The following KPNA6 variants were observed in gnomAD, a reference collection of about 807,000 sequenced individuals.
KPNA6 encodes karyopherin subunit alpha 6.
Under a neutral mutation model 72.0 loss-of-function variants are expected in KPNA6, and 9 were observed. The observed-to-expected ratio is 0.13, with a 90% confidence interval of 0.08 to 0.22. The LOEUF is 0.22. Among genes scored for constraint, KPNA6 ranks in the 10% least tolerant of loss-of-function variants. KPNA6 has a pLI of 1.00. For missense variants in KPNA6, 374 were observed against 655.7 expected (o/e 0.57, Z 4.69); for synonymous variants, 219 against 242.1 (o/e 0.90, Z 0.89).
At chr1:32,141,471 T>C (rs1641837178) in intron 1 of KPNA6, among the ~76,000 whole-genome samples, 1 of 141,980 alleles carries the variant, frequency 7.0e-6, no homozygotes, top group Non-Finnish European at 1.5e-5. Flanking sequence ...GATCTTGGCT[T>C]ACTGCAACCT....
chr1:32,132,131 C>T (rs1485712104), intron 1 of KPNA6, among the ~76,000 whole-genome samples: 2 of 151,818 alleles, frequency 1.3e-5, no homozygotes, highest in African/African-American at 2.4e-5. Context: ...CCACCATACC[C>T]GGCTAATATT....
intron 1 of KPNA6, among the ~76,000 whole-genome samples, chr1:32,138,720 A>G (rs2124005487): frequency 6.6e-6 from 1 of 152,226 alleles, no homozygotes. Flanking sequence ...TTGGAAGGCT[A>G]AGAGAAAAAT....
Position 32,108,126 on chromosome 1 carries a change from C to T in KPNA6, c.-5C>T, listed in dbSNP as rs1339436605. 5.6e-6 allele frequency: 9 copies of T among 1,614,026 alleles called. No individual in the cohort carries two copies. The highest frequency in any genetic ancestry group is 5.0e-5 in the Admixed American group (3 of 60,022). On this transcript the variant is annotated 5_prime_UTR_variant, in exon 1 of 14. Coordinates refer to ENST00000373625, the MANE Select transcript of KPNA6 (RefSeq NM_012316.5). ...CGCCGCCAAGAGTGAGCGAGCGGAC[C>T]CGCGATGGGTGAGTGAGGAAACCAC...
chr1:32,127,990 C>T (rs1641563925), intron 1 of KPNA6, among the ~76,000 whole-genome samples: 1 of 152,078 alleles, frequency 6.6e-6, no homozygotes, highest in Non-Finnish European at 1.5e-5. Flanking sequence ...TACACACACA[C>T]AATGCAAGTG....
chr1:32,134,637 CAA>C (rs777730986), intron 1 of KPNA6, among the ~76,000 whole-genome samples: 19 of 83,552 alleles, frequency 2.3e-4, no homozygotes, highest in African/African-American at 3.5e-4. Flanking sequence ...GAGTCTGTCT[CAA>C]AAAAAAAAAA....
chr1:32,143,382 T>C (rs1641874095), intron 1 of KPNA6, among the ~76,000 whole-genome samples: 1 of 150,976 alleles, frequency 6.6e-6, no homozygotes, highest in Admixed American at 6.6e-5. Context: ...AAAAAAAAAA[T>C]TATTCCAGCC....
intron 12 of KPNA6, among the ~76,000 whole-genome samples, chr1:32,167,892 G>A (rs1209415017): frequency 1.3e-4 from 19 of 151,866 alleles, no homozygotes; most frequent in Admixed American, 6.6e-5. Context: ...GCAAGCTGGT[G>A]TAGTGGCTCA....
chr1:32,112,039 C>T (rs1218948900), intron 1 of KPNA6, among the ~76,000 whole-genome samples: 1 of 152,204 alleles, frequency 6.6e-6, no homozygotes, highest in African/African-American at 2.4e-5. Context: ...CATTGTAACT[C>T]TAGCTCCCTA....
intron 1 of KPNA6, among the ~76,000 whole-genome samples, chr1:32,117,897 T>C (rs1305220592): frequency 1.3e-5 from 2 of 152,098 alleles, no homozygotes; most frequent in Admixed American, 1.3e-4. Flanking sequence ...ACCCATCTTT[T>C]CCTATAGAAA....
intron 10 of KPNA6, among the ~76,000 whole-genome samples, chr1:32,165,317 T>G (rs529397037): frequency 1.3e-5 from 2 of 152,284 alleles, no homozygotes; most frequent in South Asian, 4.1e-4. Context: ...CCTGAGTAGC[T>G]GGGACTGCAG....
chr1:32,167,500 A>G (rs1458682738), intron 12 of KPNA6, among the ~76,000 whole-genome samples: 1 of 152,042 alleles, frequency 6.6e-6, no homozygotes, highest in Non-Finnish European at 1.5e-5. Flanking sequence ...TCTATTCCAG[A>G]TTCCAGTGAC....
In KPNA6 at chr1:32,130,907, T is replaced by A. The variant is rs568169915; in HGVS notation, c.4+22773T>A. Among the ~76,000 whole-genome samples, 12 of 152,284 alleles carry A rather than the reference T, an allele frequency of 7.9e-5. No homozygotes were observed. In the East Asian group the frequency reaches 1.5e-3, roughly 20 times the overall value. On this transcript the variant is annotated intron_variant, in intron 1 of 13. Coordinates refer to ENST00000373625, the MANE Select transcript of KPNA6 (RefSeq NM_012316.5). The stretch of plus-strand genomic sequence containing the variant: ...AATAGATAAACATATGCAGAAGAAT[T>A]AATTTGGACCCCTGCCTCACATCAT...
chr1:32,111,664 CACTA>C (rs1425482585), intron 1 of KPNA6, among the ~76,000 whole-genome samples: 1 of 152,186 alleles, frequency 6.6e-6, no homozygotes, highest in Non-Finnish European at 1.5e-5. Flanking sequence ...GCACTGGAGA[CACTA>C]ACACAGCCTG....
intron 1 of KPNA6, among the ~76,000 whole-genome samples, chr1:32,138,999 G>T (rs1641791329): frequency 6.6e-6 from 1 of 152,078 alleles, no homozygotes; most frequent in Non-Finnish European, 1.5e-5. Flanking sequence ...CTTTTGGAGG[G>T]TCTGCTTCAC....
chr1:32,148,116 C>A (rs1046330954), intron 1 of KPNA6, among the ~76,000 whole-genome samples: 1 of 151,860 alleles, frequency 6.6e-6, no homozygotes, highest in Non-Finnish European at 1.5e-5. Flanking sequence ...TTTTCTTTTT[C>A]TTTTTTGAGA....
chr1:32,133,640 C>T (rs899184618), intron 1 of KPNA6, among the ~76,000 whole-genome samples: 1 of 151,858 alleles, frequency 6.6e-6, no homozygotes, highest in Non-Finnish European at 1.5e-5. Flanking sequence ...GAGTTGATTG[C>T]ACTACTGCAT....
intron 1 of KPNA6, among the ~76,000 whole-genome samples, chr1:32,127,855 T>G (rs1641561458): frequency 6.6e-6 from 1 of 152,186 alleles, no homozygotes; most frequent in African/African-American, 2.4e-5. Flanking sequence ...TTACATTCAT[T>G]ATCTTTTGTA....
At chr1:32,154,201 G>A (rs1642093287) in intron 1 of KPNA6, among the ~76,000 whole-genome samples, 1 of 151,762 alleles carries the variant, frequency 6.6e-6, no homozygotes, top group Admixed American at 6.6e-5. Context: ...TGGGATTACG[G>A]GTGGGAGCCA....
At position 32,134,832 on chromosome 1, in the gene KPNA6, G is replaced by A. The variant is rs796649226; in HGVS notation, c.5-19756G>A. Among the ~76,000 whole-genome samples the A allele has an allele frequency of 9.7e-4, 147 of 151,972 alleles. 1 individual carries two copies. Among genetic ancestry groups the A allele is most frequent in the African/African-American group, 3.4e-3 (143 of 41,472 alleles). ...ACCTTAGTGATTGTTTACAGCTTAG[G>A]TGGGTGAGCATTGGGGGTGACAGCT... On this transcript the variant is annotated intron_variant, in intron 1 of 13. Coordinates refer to ENST00000373625, the MANE Select transcript of KPNA6 (RefSeq NM_012316.5).
Sources: gnomAD v4.1 joint callset for allele counts (sites outside exome capture counted in the v4.1 genomes callset) on GRCh38, gnomAD v4.1.1 for gene constraint, MANE v1.5 for transcripts, NCBI Gene and HGNC (gene_info 2026-07-23, HGNC 2026-07-21) for gene names.